NELL1: variants seen among roughly 807,000 people sequenced by gnomAD.
NELL1 encodes protein kinase C-binding protein NELL1.
A neutral mutation model predicts 107.4 loss-of-function variants in NELL1; 76 were observed. The ratio of observed to expected loss-of-function variants is 0.71; its 90% CI spans 0.59 to 0.86. The LOEUF is 0.86. NELL1 is among the 40% of genes least tolerant of loss of function. The pLI, the probability that NELL1 is intolerant of heterozygous loss-of-function variation, is 0.00. For synonymous variants in NELL1, 353 were observed against 341.2 expected, an observed-to-expected ratio of 1.03 and a Z score of -0.38; for missense variants, 1,024 against 1,005.5, an observed-to-expected ratio of 1.02 and a Z score of -0.25.
intron 1 of NELL1, among the ~76,000 whole-genome samples, chr11:20,674,775 TCTG>T (rs1310125856): frequency 5.9e-5 from 9 of 152,308 alleles, no homozygotes; most frequent in Admixed American, 2.0e-4. Flanking sequence ...ATTGGGGTGT[TCTG>T]CTAGTTCTAC....
chr11:20,672,597 T>G (rs1853941022), intron 1 of NELL1, among the ~76,000 whole-genome samples: 2 of 152,184 alleles, frequency 1.3e-5, no homozygotes, highest in Admixed American at 6.5e-5. Flanking sequence ...TGAGAAATAA[T>G]TCAGAGATTT....
chr11:21,552,798 T>G (rs1375190013), intron 16 of NELL1, among the ~76,000 whole-genome samples: 1 of 151,848 alleles, frequency 6.6e-6, no homozygotes, highest in East Asian at 1.9e-4. Context: ...CTTGTTTTTC[T>G]TCTCTGCAGA....
chr11:21,330,948 G>A lies in NELL1; in HGVS notation c.1550-39905G>A, dbSNP rs112413401. 3.7e-3 allele frequency among the ~76,000 whole-genome samples: 554 copies of A among 151,778 alleles called. 4 individuals carry two copies. Among genetic ancestry groups the A allele is most frequent in the African/African-American group, 0.012 (493 of 41,398 alleles). On this transcript the variant is annotated intron_variant, in intron 14 of 19. Transcript: ENST00000357134. ...TGTTCAGATTGCATAATCTTTATTC[G>A]TCTGTCTCCAGGTTAGCTGATTCTT... is the stretch of plus-strand genomic sequence containing the variant.
At chr11:20,954,310 C>T (rs754887169) in intron 11 of NELL1, among the ~76,000 whole-genome samples, 32 of 152,170 alleles carry the variant, frequency 2.1e-4, no homozygotes, top group Non-Finnish European at 4.7e-4. Flanking sequence ...CAAACTTACT[C>T]CTTGTTCTTT....
intron 3 of NELL1, among the ~76,000 whole-genome samples, chr11:20,791,428 T>C (rs1233552791): frequency 6.6e-6 from 1 of 152,260 alleles, no homozygotes; most frequent in Non-Finnish European, 1.5e-5. Flanking sequence ...CTTTGCATCC[T>C]GCAACCTTGG....
intron 14 of NELL1, among the ~76,000 whole-genome samples, chr11:21,278,573 A>C (rs1229000338): frequency 6.6e-6 from 1 of 152,122 alleles, no homozygotes. Context: ...CTTAGATTTA[A>C]ATCTAACAAA....
chr11:20,889,965 T>A (rs559852448), intron 5 of NELL1, among the ~76,000 whole-genome samples: 25 of 152,154 alleles, frequency 1.6e-4, no homozygotes, highest in African/African-American at 5.1e-4. Context: ...GACGAGTAGG[T>A]TTCCCCCCAG....
chr11:21,290,197 G>A (rs921248349), intron 14 of NELL1, among the ~76,000 whole-genome samples: 37 of 151,900 alleles, frequency 2.4e-4, no homozygotes, highest in South Asian at 4.2e-4. Flanking sequence ...GTGAAACCCC[G>A]TCTCTACTAA....
chr11:20,884,076 C>T (rs1017161588), intron 4 of NELL1, among the ~76,000 whole-genome samples: 2 of 152,166 alleles, frequency 1.3e-5, no homozygotes, highest in Admixed American at 6.5e-5. Flanking sequence ...TAGAGAAAGA[C>T]CTGATGTGCT....
intron 12 of NELL1, among the ~76,000 whole-genome samples, chr11:21,103,006 T>C (rs1375718438): frequency 6.6e-6 from 1 of 152,200 alleles, no homozygotes; most frequent in Non-Finnish European, 1.5e-5. Flanking sequence ...ATCTAAGGAC[T>C]CTCTACATGG....
chr11:21,376,569 T>G (rs1240961828), intron 15 of NELL1, among the ~76,000 whole-genome samples: 1 of 152,120 alleles, frequency 6.6e-6, no homozygotes, highest in East Asian at 1.9e-4. Context: ...AGAATATTTT[T>G]TTCTGGTTCA....
At chr11:21,389,973 A>T (rs1380101318) in intron 15 of NELL1, among the ~76,000 whole-genome samples, 2 of 151,784 alleles carry the variant, frequency 1.3e-5, no homozygotes, top group Non-Finnish European at 2.9e-5. Context: ...GTTTTAGTAG[A>T]TACTGCCCAG....
intron 5 of NELL1, among the ~76,000 whole-genome samples, chr11:20,915,440 A>C (rs1850224325): frequency 6.6e-6 from 1 of 151,624 alleles, no homozygotes; most frequent in Non-Finnish European, 1.5e-5. Context: ...CAGATACTCA[A>C]GGTGATTCTC....
chr11:20,752,190 T>G (rs2133946393), intron 2 of NELL1, among the ~76,000 whole-genome samples: 1 of 152,302 alleles, frequency 6.6e-6, no homozygotes, highest in African/African-American at 2.4e-5. Context: ...ACCTGTAGAT[T>G]TTTTTGTAGA....
chr11:21,452,041 A>C (rs1482909662), intron 15 of NELL1, among the ~76,000 whole-genome samples: 1 of 152,170 alleles, frequency 6.6e-6, no homozygotes, highest in East Asian at 1.9e-4. Context: ...ATTCTGGGGA[A>C]CACTTTCGCA....
At chr11:21,356,203 T>C (rs1850929864) in intron 14 of NELL1, among the ~76,000 whole-genome samples, 1 of 152,196 alleles carries the variant, frequency 6.6e-6, no homozygotes, top group African/African-American at 2.4e-5. Context: ...GTCTCTTCTC[T>C]ATGAGAATGT....
At chr11:21,108,929 T>A (rs2133720285) in intron 12 of NELL1, among the ~76,000 whole-genome samples, 1 of 152,240 alleles carries the variant, frequency 6.6e-6, no homozygotes, top group Non-Finnish European at 1.5e-5. Context: ...TCTAACATAA[T>A]CACAGTCATA....
chr11:21,334,816 A>T (rs183544065), intron 14 of NELL1, among the ~76,000 whole-genome samples: 40 of 152,102 alleles, frequency 2.6e-4, no homozygotes, highest in Non-Finnish European at 1.0e-4. Flanking sequence ...AATATATTGT[A>T]TGTCAATATG....
intron 17 of NELL1, among the ~76,000 whole-genome samples, chr11:21,570,236 G>A (rs1381233202): frequency 6.6e-6 from 1 of 151,798 alleles, no homozygotes; most frequent in Non-Finnish European, 1.5e-5. Context: ...ACAATTGGTG[G>A]TGCTGCTTGG....
Sources: gnomAD v4.1 joint callset for allele counts (sites outside exome capture counted in the v4.1 genomes callset) on GRCh38, gnomAD v4.1.1 for gene constraint, MANE v1.5 for transcripts, NCBI Gene and HGNC (gene_info 2026-07-23, HGNC 2026-07-21) for gene names.